LRMDA: variants seen among roughly 807,000 people sequenced by gnomAD.
LRMDA encodes leucine rich melanocyte differentiation associated.
LRMDA carries 18 observed loss-of-function variants against 29.8 expected under a neutral mutation model. That is an observed-to-expected ratio of 0.60 (90% CI 0.42 to 0.90). The LOEUF is 0.90. Ranked by LOEUF, LRMDA falls within the 40% of genes least tolerant of loss-of-function variation. The pLI is 0.00. For missense variants in LRMDA, 273 were observed against 273.9 expected, an observed-to-expected ratio of 1.00 and a Z score of 0.02; for synonymous variants, 125 against 109.4, an observed-to-expected ratio of 1.14 and a Z score of -0.89.
intron 5 of LRMDA, among the ~76,000 whole-genome samples, chr10:76,248,318 A>T (rs1453697357): frequency 6.6e-6 from 1 of 152,162 alleles, no homozygotes; most frequent in East Asian, 1.9e-4. Context: ...TGAGGTTGAG[A>T]TACCCTGATC....
At chr10:75,534,937 C>T (rs1223852488) in intron 2 of LRMDA, among the ~76,000 whole-genome samples, 1 of 152,050 alleles carries the variant, frequency 6.6e-6, no homozygotes, top group Non-Finnish European at 1.5e-5. Context: ...TTTCTCTATA[C>T]CCATAAGCTT....
intron 2 of LRMDA, among the ~76,000 whole-genome samples, chr10:75,942,516 G>C (rs879796256): frequency 6.6e-6 from 1 of 152,074 alleles, no homozygotes; most frequent in Admixed American, 6.6e-5. Flanking sequence ...AACCACTTGC[G>C]GGAAGTTAAG....
intron 2 of LRMDA, among the ~76,000 whole-genome samples, chr10:75,836,428 A>G (rs1039656782): frequency 6.6e-6 from 1 of 152,186 alleles, no homozygotes; most frequent in Non-Finnish European, 1.5e-5. Context: ...TTAGTTTTTC[A>G]GCTTGTCCTC....
chr10:76,050,061 C>T (rs1183308784), intron 4 of LRMDA, among the ~76,000 whole-genome samples: 1 of 152,172 alleles, frequency 6.6e-6, no homozygotes, highest in African/African-American at 2.4e-5. Flanking sequence ...TATTGATTGG[C>T]ATCCTCTGTG....
chr10:76,095,270 C>T (rs1430674917), intron 5 of LRMDA, among the ~76,000 whole-genome samples: 3 of 152,162 alleles, frequency 2.0e-5, no homozygotes, highest in Non-Finnish European at 2.9e-5. Flanking sequence ...CTTATCATAA[C>T]GCATGTAAGA....
At chr10:76,024,666 G>T (rs1274354891) in intron 2 of LRMDA, among the ~76,000 whole-genome samples, 1 of 152,190 alleles carries the variant, frequency 6.6e-6, no homozygotes, top group East Asian at 1.9e-4. Context: ...TGCCCGTGGG[G>T]AGCTGGTCTT....
At chr10:76,436,323 G>A (rs1241483334) in intron 6 of LRMDA, among the ~76,000 whole-genome samples, 2 of 152,204 alleles carry the variant, frequency 1.3e-5, no homozygotes, top group Admixed American at 1.3e-4. Context: ...AGACTCCATT[G>A]TCATTGGACT....
At chr10:75,465,306 A>G (rs1844634924) in intron 2 of LRMDA, among the ~76,000 whole-genome samples, 1 of 152,314 alleles carries the variant, frequency 6.6e-6, no homozygotes, top group Admixed American at 6.5e-5. Context: ...TTGCCAGAGT[A>G]TACGTGTGTC....
intron 6 of LRMDA, among the ~76,000 whole-genome samples, chr10:76,421,284 G>A (rs902210778): frequency 4.6e-5 from 7 of 151,976 alleles, no homozygotes; most frequent in African/African-American, 1.7e-4. Context: ...TTTATTTTTA[G>A]TTATGGTCCT....
intron 2 of LRMDA, among the ~76,000 whole-genome samples, chr10:75,824,973 C>T (rs1053270876): frequency 4.6e-5 from 7 of 152,112 alleles, no homozygotes; most frequent in Admixed American, 6.5e-5. Context: ...TATTTTAGAC[C>T]CAAGAGGTTT....
At position 75,575,996 on chromosome 10, in the gene LRMDA, G is replaced by A. The variant is rs569616160; in HGVS notation, c.131+137502G>A. 2.5e-3 allele frequency among the ~76,000 whole-genome samples: 373 copies of A among 150,146 alleles called. 3 individuals are homozygous for A. The highest frequency in any genetic ancestry group is 3.5e-3 in the Non-Finnish European group (234 of 67,718). On this transcript the variant is annotated intron_variant, in intron 2 of 6. Coordinates refer to ENST00000611255, the MANE Select transcript of LRMDA (RefSeq NM_001305581.2). Reference sequence around the variant, plus strand: ...TTTTTTTTTTTCACTCCTCAGTGGCGCCTGGAATGCCAGTGAGACAGAACC... The same window carrying A: ...TTTTTTTTTTTCACTCCTCAGTGGCACCTGGAATGCCAGTGAGACAGAACC...
At chr10:75,961,730 C>T (rs1846770034) in intron 2 of LRMDA, among the ~76,000 whole-genome samples, 1 of 152,198 alleles carries the variant, frequency 6.6e-6, no homozygotes, top group South Asian at 2.1e-4. Flanking sequence ...ATGCTTTCCT[C>T]TAAAGTTGCA....
intron 5 of LRMDA, among the ~76,000 whole-genome samples, chr10:76,088,053 G>A (rs1564649431): frequency 6.6e-6 from 1 of 152,202 alleles, no homozygotes; most frequent in Non-Finnish European, 1.5e-5. Flanking sequence ...CCGGGAGGTT[G>A]AGGCTACAGT....
intron 5 of LRMDA, among the ~76,000 whole-genome samples, chr10:76,322,840 C>A (rs1372936156): frequency 6.6e-6 from 1 of 152,054 alleles, no homozygotes; most frequent in Non-Finnish European, 1.5e-5. Flanking sequence ...TGTACCCTCA[C>A]CCCATATGTC....
chr10:76,289,568 C>G (rs1840313487), intron 5 of LRMDA, among the ~76,000 whole-genome samples: 1 of 152,120 alleles, frequency 6.6e-6, no homozygotes, highest in African/African-American at 2.4e-5. Flanking sequence ...AACGCATTGT[C>G]TAATCTCCCT....
chr10:75,875,953 C>T (rs751075700), intron 2 of LRMDA, among the ~76,000 whole-genome samples: 5 of 151,754 alleles, frequency 3.3e-5, no homozygotes, highest in African/African-American at 4.8e-5. Context: ...GATTGGAGAG[C>T]GGTGATTGGA....
chr10:75,988,129 C>T (rs1008736043), intron 2 of LRMDA, among the ~76,000 whole-genome samples: 6 of 152,138 alleles, frequency 3.9e-5, no homozygotes, highest in African/African-American at 7.2e-5. Flanking sequence ...TTGCCACTTG[C>T]GCTGACACCA....
intron 6 of LRMDA, among the ~76,000 whole-genome samples, chr10:76,387,385 G>A (rs974944732): frequency 7.9e-5 from 12 of 152,190 alleles, no homozygotes; most frequent in Middle Eastern, 3.4e-3. Flanking sequence ...CAAATCTCTT[G>A]AGCCCAGGAG....
intron 2 of LRMDA, among the ~76,000 whole-genome samples, chr10:75,586,401 A>G: frequency 8.0e-6 from 1 of 124,276 alleles, no homozygotes; most frequent in East Asian, 2.6e-4. Context: ...TCTGTCACCC[A>G]GGCTGGAGTG....
Sources: gnomAD v4.1 joint callset for allele counts (sites outside exome capture counted in the v4.1 genomes callset) on GRCh38, gnomAD v4.1.1 for gene constraint, MANE v1.5 for transcripts, NCBI Gene and HGNC (gene_info 2026-07-23, HGNC 2026-07-21) for gene names.